The following NFIB variants were observed in gnomAD, a reference collection of about 807,000 sequenced individuals.
The protein encoded by NFIB is nuclear factor 1 B-type.
NFIB carries 11 observed loss-of-function variants against 61.5 expected under a neutral mutation model. That is an observed-to-expected ratio of 0.18 (90% CI 0.11 to 0.30). NFIB has a LOEUF of 0.30. NFIB is among the 10% of genes least tolerant of loss of function. The probability of loss-of-function intolerance (pLI) is 1.00; values close to 1 mark genes in which losing one functional copy is unlikely to be tolerated. For synonymous variants in NFIB, 260 were observed against 216.5 expected (o/e 1.20, Z -1.76); for missense variants, 471 against 608.9 (o/e 0.77, Z 2.38).
At chr9:14,312,827 C>T (rs548315313) in intron 1 of NFIB, among the ~76,000 whole-genome samples, 1 of 152,288 alleles carries the variant, frequency 6.6e-6, no homozygotes, top group South Asian at 2.1e-4. Flanking sequence ...TAACAATCAC[C>T]AAGACCAACT....
chr9:14,285,519 T>C (rs766833115), intron 2 of NFIB, among the ~76,000 whole-genome samples: 10 of 152,212 alleles, frequency 6.6e-5, no homozygotes, highest in Non-Finnish European at 1.5e-4. Context: ...TTGTCTCTTT[T>C]ACCCTACTGG....
In NFIB at chr9:14,083,317, A is replaced by G. The variant is rs977763472; in HGVS notation, c.*4992T>C. On this transcript the variant is annotated 3_prime_UTR_variant, in exon 11 of 11. Coordinates refer to ENST00000380953, the MANE Select transcript of NFIB (RefSeq NM_001190737.2). ...AATCAGTGGTCCATGTTACCCCCCA[A>G]CTGCAGGGCTCCACTCCACCCACAC... 4.9e-5 allele frequency: 11 copies of G among 224,606 alleles called. No homozygotes were observed. Among genetic ancestry groups the G allele is most frequent in the Non-Finnish European group, 8.9e-5 (10 of 112,514 alleles). The allele number at this position is 224,606 out of a possible 1,614,324, so 13.9% of individuals were successfully genotyped here.
chr9:14,521,722 C>T, the NFIB span, among the ~76,000 whole-genome samples: 2 of 152,130 alleles, frequency 1.3e-5, no homozygotes, highest in Non-Finnish European at 2.9e-5. Flanking sequence ...AAAGAAGCAC[C>T]TTTTGGGACA....
At chr9:14,102,178 T>C (rs2035875644) in intron 10 of NFIB, among the ~76,000 whole-genome samples, 1 of 151,840 alleles carries the variant, frequency 6.6e-6, no homozygotes, top group African/African-American at 2.4e-5. Flanking sequence ...ACAGTATAAA[T>C]TGTAGAAAAC....
At chr9:14,431,159 C>A in the NFIB span, among the ~76,000 whole-genome samples, 1 of 152,086 alleles carries the variant, frequency 6.6e-6, no homozygotes. Flanking sequence ...AGAGTAAAAA[C>A]ACATTTTAAC....
chr9:14,528,709 C>T, the NFIB span, among the ~76,000 whole-genome samples: 1 of 152,024 alleles, frequency 6.6e-6, no homozygotes, highest in Non-Finnish European at 1.5e-5. Context: ...CTCTGAAGTT[C>T]CAAATAGCTG....
chr9:14,424,784 T>C, the NFIB span, among the ~76,000 whole-genome samples: 1 of 152,182 alleles, frequency 6.6e-6, no homozygotes, highest in Non-Finnish European at 1.5e-5. Context: ...AAAGGATTTT[T>C]AAAACTTTCT....
At chr9:14,162,562 T>A (rs751276949) in intron 3 of NFIB, among the ~76,000 whole-genome samples, 1 of 152,100 alleles carries the variant, frequency 6.6e-6, no homozygotes, top group Non-Finnish European at 1.5e-5. Flanking sequence ...TTGTCAAGTT[T>A]TTATACCAGG....
At chr9:14,102,576 A>G (rs2035937884) in intron 10 of NFIB, 3 of 1,239,940 alleles carry the variant, frequency 2.4e-6, no homozygotes, top group Non-Finnish European at 3.4e-6. Context: ...TATTTAAATG[A>G]ACACATGCAA....
intron 3 of NFIB, among the ~76,000 whole-genome samples, chr9:14,175,153 G>A (rs2046021864): frequency 7.5e-6 from 1 of 132,508 alleles, no homozygotes; most frequent in Non-Finnish European, 1.6e-5. Context: ...AAATTTTTAT[G>A]ACTTAAAGAA....
At chr9:14,118,363 G>A (rs1047557893) in intron 8 of NFIB, among the ~76,000 whole-genome samples, 2 of 152,050 alleles carry the variant, frequency 1.3e-5, no homozygotes, top group Non-Finnish European at 2.9e-5. Context: ...ATAATTTCAA[G>A]GAAATGCTGC....
the NFIB span, among the ~76,000 whole-genome samples, chr9:14,454,397 T>G: frequency 3.3e-5 from 5 of 152,200 alleles, no homozygotes; most frequent in African/African-American, 1.2e-4. Context: ...ATCCAAAATG[T>G]TTGAATGACA....
intron 5 of NFIB, among the ~76,000 whole-genome samples, chr9:14,149,236 A>C (rs2042603263): frequency 6.6e-6 from 1 of 152,196 alleles, no homozygotes; most frequent in Non-Finnish European, 1.5e-5. Context: ...TTAGTTTATA[A>C]ACATACACAT....
At chr9:14,239,158 T>C (rs950332166) in intron 2 of NFIB, among the ~76,000 whole-genome samples, 1 of 152,214 alleles carries the variant, frequency 6.6e-6, no homozygotes, top group African/African-American at 2.4e-5. Context: ...TTCTCCTCCA[T>C]CATTTAACCA....
chr9:14,494,280 T>C, the NFIB span, among the ~76,000 whole-genome samples: 1 of 152,240 alleles, frequency 6.6e-6, no homozygotes. Flanking sequence ...ATCTTATACT[T>C]GATTCAACAG....
At chr9:14,387,755 T>C (rs1377327643) in intron 1 of NFIB, among the ~76,000 whole-genome samples, 1 of 152,144 alleles carries the variant, frequency 6.6e-6, no homozygotes, top group Admixed American at 6.5e-5. Flanking sequence ...ACTTACAGAG[T>C]TAATTAAGTG....
chr9:14,460,823 G>A, the NFIB span, among the ~76,000 whole-genome samples: 1 of 151,910 alleles, frequency 6.6e-6, no homozygotes, highest in Non-Finnish European at 1.5e-5. Context: ...AAATTCCTTA[G>A]TGTAACATAC....
intron 8 of NFIB, among the ~76,000 whole-genome samples, chr9:14,119,506 C>T (rs890285655): frequency 5.2e-5 from 6 of 115,232 alleles, no homozygotes; most frequent in African/African-American, 2.9e-4. Context: ...ATTTTTTTCT[C>T]ACCTTTCTTT....
At chr9:14,331,168 C>T (rs2060816745) in intron 1 of NFIB, among the ~76,000 whole-genome samples, 1 of 152,138 alleles carries the variant, frequency 6.6e-6, no homozygotes, top group African/African-American at 2.4e-5. Context: ...ACTATGCTTC[C>T]GCCCTGTGCT....
Sources: allele counts gnomAD v4.1 joint callset (sites outside exome capture counted in the v4.1 genomes callset), GRCh38; gene constraint gnomAD v4.1.1; transcripts MANE v1.5; gene names NCBI Gene and HGNC (gene_info 2026-07-23, HGNC 2026-07-21).